Variants in SAMD3 observed in about 807,000 individuals in gnomAD.
The protein encoded by SAMD3 is sterile alpha motif domain containing 3, also known as sterile alpha motif domain-containing protein 3.
A neutral mutation model predicts 58.5 loss-of-function variants in SAMD3; 63 were observed. That is an observed-to-expected ratio of 1.08 (90% CI 0.88 to 1.33). The LOEUF is 1.33. Among genes scored for constraint, SAMD3 ranks in the 40% most tolerant of loss-of-function variants. The probability of loss-of-function intolerance (pLI) is 0.00; values close to 1 mark genes in which losing one functional copy is unlikely to be tolerated. For missense variants in SAMD3, 604 were observed against 608.4 expected, an observed-to-expected ratio of 0.99 and a Z score of 0.08; for synonymous variants, 220 against 210.3, an observed-to-expected ratio of 1.05 and a Z score of -0.40.
At chr6:130,268,632 T>C (rs12204588) in intron 2 of SAMD3, among the ~76,000 whole-genome samples, 3,558 of 152,278 alleles carry the variant, frequency 0.023, 50 homozygotes, top group Non-Finnish European at 0.028. Context: ...TTTAGATACA[T>C]ACTTACCATT....
At chr6:130,355,801 C>T (rs1777812167) in intron 1 of SAMD3, among the ~76,000 whole-genome samples, 1 of 152,176 alleles carries the variant, frequency 6.6e-6, no homozygotes, top group South Asian at 2.1e-4. Context: ...AGAAACACCA[C>T]AAGAAGAAGC....
At chr6:130,154,710 AAAAAAAAAATATATAT>A (rs1224938934) in intron 9 of SAMD3, 99 bp downstream of exon 9, 25 of 126,236 alleles carry the variant, frequency 2.0e-4, no homozygotes, top group Non-Finnish European at 2.6e-4. Context: ...AAAAAAAAAA[AAAAAAAAAATATATAT>A]ATATATATAT....
rs370171640 is a variant in SAMD3 at position 130,322,788 on chromosome 6, A to C, written c.-303-9695T>G. ...TCCAAGCAACTAATGCAAAAGCAGAAATTTTGAAGAATCCTAAATTTGAGT... is the reference window on the plus strand; with the variant it reads ...TCCAAGCAACTAATGCAAAAGCAGACATTTTGAAGAATCCTAAATTTGAGT... On this transcript the variant is annotated intron_variant, in intron 1 of 13. Transcript: ENST00000368134. 1.1e-4 allele frequency among the ~76,000 whole-genome samples: 16 copies of C among 152,370 alleles called. 2 individuals are homozygous for C. Among genetic ancestry groups the C allele is most frequent in the African/African-American group, 1.2e-4 (5 of 41,594 alleles).
intron 2 of SAMD3, among the ~76,000 whole-genome samples, chr6:130,275,963 A>G (rs951442863): frequency 2.6e-5 from 4 of 152,152 alleles, no homozygotes; most frequent in Admixed American, 6.6e-5. Flanking sequence ...GTTGCCTTAC[A>G]TGATGGAAGG....
Position 130,146,035 on chromosome 6 carries a change from A to T in SAMD3, c.1170T>A (p.His390Gln). 1.3e-6 allele frequency: 2 copies of T among 1,571,642 alleles called. No homozygotes were observed. Among genetic ancestry groups the T allele is most frequent in the Non-Finnish European group, 1.7e-6 (2 of 1,161,978 alleles). ...INIVLQEKMK[H>Q]YTDEDMLKYM... is the part of the protein sequence containing the mutation. ...ATTTCAACATGTCTTCATCTGTGTAATGTTTCATTTTTTCTTGCAATACAA... is the reference window on the plus strand; with the variant it reads ...ATTTCAACATGTCTTCATCTGTGTATTGTTTCATTTTTTCTTGCAATACAA... The change falls in exon 10 of 12, where the codon CAT (histidine) becomes CAA (glutamine). Residue 390 changes from histidine (H) to glutamine (Q), a missense_variant. By Grantham distance (24) the His-to-Gln change is conservative (BLOSUM62 0). Transcript: ENST00000439090.
intron 1 of SAMD3, among the ~76,000 whole-genome samples, chr6:130,351,623 T>C (rs1249898224): frequency 6.6e-6 from 1 of 152,178 alleles, no homozygotes; most frequent in African/African-American, 2.4e-5. Context: ...TTTTACACTG[T>C]TGGTGGGACT....
At chr6:130,255,870 A>G (rs1321489529) in intron 2 of SAMD3, among the ~76,000 whole-genome samples, 1 of 151,554 alleles carries the variant, frequency 6.6e-6, no homozygotes, top group East Asian at 1.9e-4. Context: ...TTTTTTTTAA[A>G]CCATTCAGTC....
At chr6:130,360,607 GC>G (rs1425538364) in intron 1 of SAMD3, among the ~76,000 whole-genome samples, 1 of 152,184 alleles carries the variant, frequency 6.6e-6, no homozygotes, top group African/African-American at 2.4e-5. Context: ...CAGGACCGGG[GC>G]AAAATTAAAA....
chr6:130,220,253 G>C (rs1183146339), intron 1 of SAMD3, among the ~76,000 whole-genome samples: 1 of 152,136 alleles, frequency 6.6e-6, no homozygotes, highest in East Asian at 1.9e-4. Flanking sequence ...ACCTGCCTCG[G>C]CCCCCCAGAG....
chr6:130,288,863 G>C (rs4897402), intron 2 of SAMD3, among the ~76,000 whole-genome samples: 2 of 152,032 alleles, frequency 1.3e-5, no homozygotes, highest in African/African-American at 4.8e-5. Flanking sequence ...GCTAATAAAT[G>C]CTCACAACAC....
intron 9 of SAMD3, among the ~76,000 whole-genome samples, chr6:130,148,485 T>A (rs573882440): frequency 6.6e-6 from 1 of 152,228 alleles, no homozygotes; most frequent in African/African-American, 2.4e-5. Flanking sequence ...TCTTGGTTTG[T>A]TGTTGTTGTT....
At chr6:130,207,873 G>A (rs1199088055) in intron 5 of SAMD3, among the ~76,000 whole-genome samples, 1 of 152,182 alleles carries the variant, frequency 6.6e-6, no homozygotes. Flanking sequence ...GCGGAGAGGA[G>A]AGCCCAGAGC....
intron 5 of SAMD3, among the ~76,000 whole-genome samples, chr6:130,203,946 A>G (rs981202945): frequency 3.9e-5 from 6 of 152,222 alleles, no homozygotes; most frequent in African/African-American, 1.4e-4. Flanking sequence ...GAGCCTGCAA[A>G]CAACGCATCA....
At chr6:130,232,583 A>T (rs1230972870) in intron 2 of SAMD3, among the ~76,000 whole-genome samples, 1 of 152,196 alleles carries the variant, frequency 6.6e-6, no homozygotes, top group Non-Finnish European at 1.5e-5. Context: ...TACGAGTTCA[A>T]GTGATAGAAT....
At chr6:130,329,663 C>T (rs1482768821) in intron 1 of SAMD3, among the ~76,000 whole-genome samples, 2 of 152,242 alleles carry the variant, frequency 1.3e-5, no homozygotes, top group South Asian at 4.1e-4. Context: ...TTGGAACCAA[C>T]CCAAATGCCC....
intron 2 of SAMD3, among the ~76,000 whole-genome samples, chr6:130,290,600 T>C (rs1045641703): frequency 5.9e-5 from 9 of 152,266 alleles, no homozygotes; most frequent in African/African-American, 2.2e-4. Context: ...GATGAATATC[T>C]GGGCTCTTGA....
chr6:130,323,086 T>C (rs1205020050), intron 1 of SAMD3, among the ~76,000 whole-genome samples: 3 of 152,148 alleles, frequency 2.0e-5, no homozygotes, highest in Non-Finnish European at 4.4e-5. Flanking sequence ...TTATAAAAAG[T>C]CAAAACAGCA....
intron 1 of SAMD3, among the ~76,000 whole-genome samples, chr6:130,348,274 C>G (rs1583139819): frequency 6.6e-6 from 1 of 152,146 alleles, no homozygotes; most frequent in South Asian, 2.1e-4. Context: ...TTAAAAGAGA[C>G]AGACTGGCAA....
chr6:130,218,560 C>A (rs965468518), intron 1 of SAMD3, among the ~76,000 whole-genome samples: 1 of 152,084 alleles, frequency 6.6e-6, no homozygotes, highest in East Asian at 1.9e-4. Flanking sequence ...AGATAGATAG[C>A]CCAAAGTGGG....
Sources: allele counts gnomAD v4.1 joint callset (sites outside exome capture counted in the v4.1 genomes callset), GRCh38; gene constraint gnomAD v4.1.1; transcripts MANE v1.5; gene names NCBI Gene and HGNC (gene_info 2026-07-23, HGNC 2026-07-21).